SVIL: variants seen among roughly 807,000 people sequenced by gnomAD.
The protein encoded by SVIL is supervillin, also known as archvillin.
In SVIL, 101 loss-of-function variants were observed where a neutral mutation model predicts 240.4. That is an observed-to-expected ratio of 0.42 (90% CI 0.36 to 0.50). The LOEUF (loss-of-function observed/expected upper bound fraction) is 0.50. SVIL is among the 20% of genes least tolerant of loss of function. The pLI, the probability that SVIL is intolerant of heterozygous loss-of-function variation, is 0.01. For missense variants in SVIL, 2,512 were observed against 2,818.7 expected, an observed-to-expected ratio of 0.89 and a Z score of 2.46; for synonymous variants, 999 against 1,100.0, an observed-to-expected ratio of 0.91 and a Z score of 1.82.
At chr10:29,609,826 C>A (rs567515249) in intron 1 of SVIL, among the ~76,000 whole-genome samples, 1 of 152,242 alleles carries the variant, frequency 6.6e-6, no homozygotes, top group African/African-American at 2.4e-5. Context: ...CCACTTGCTG[C>A]TCCATGCCTG....
intron 2 of SVIL, among the ~76,000 whole-genome samples, chr10:29,661,744 C>T (rs1959166288): frequency 6.6e-6 from 1 of 152,178 alleles, no homozygotes; most frequent in Non-Finnish European, 1.5e-5. Flanking sequence ...ACAGATGGTG[C>T]CCATGGAGGT....
chr10:29,516,733 G>A (rs1412781889), intron 16 of SVIL, among the ~76,000 whole-genome samples: 4 of 152,326 alleles, frequency 2.6e-5, no homozygotes, highest in African/African-American at 7.2e-5. Flanking sequence ...CTCACCCAAC[G>A]CCTGGCCCAG....
intron 21 of SVIL, among the ~76,000 whole-genome samples, chr10:29,491,637 T>C (rs1289001673): frequency 1.3e-5 from 2 of 152,086 alleles, no homozygotes; most frequent in Non-Finnish European, 2.9e-5. Context: ...CACAATTCTT[T>C]GGGGTGGAAA....
intron 1 of SVIL, among the ~76,000 whole-genome samples, chr10:29,574,249 C>A (rs1831157): frequency 6.6e-6 from 1 of 151,916 alleles, no homozygotes; most frequent in East Asian, 1.9e-4. Flanking sequence ...TTTAGATGGG[C>A]GTGCGAACCT....
At chr10:29,525,677 G>C (rs943197567) in intron 13 of SVIL, among the ~76,000 whole-genome samples, 1 of 152,194 alleles carries the variant, frequency 6.6e-6, no homozygotes, top group African/African-American at 2.4e-5. Flanking sequence ...GAGAAGGAAA[G>C]CCTGAAGTCT....
intron 28 of SVIL, 93 bp from the exon 29 acceptor site, chr10:29,480,906 C>T: frequency 7.2e-7 from 1 of 1,384,304 alleles, no homozygotes; most frequent in East Asian, 2.3e-5. Flanking sequence ...CATGGGACAG[C>T]ATAAAAATAC....
intron 35 of SVIL, 53 bp downstream of exon 35, chr10:29,463,439 T>G: frequency 6.3e-7 from 1 of 1,582,408 alleles, no homozygotes; most frequent in Middle Eastern, 1.7e-4. Context: ...TGCGCATGCC[T>G]GAGGGGCTTC....
intron 2 of SVIL, among the ~76,000 whole-genome samples, chr10:29,676,860 G>A (rs1175951029): frequency 6.6e-6 from 1 of 152,142 alleles, no homozygotes; most frequent in Admixed American, 6.5e-5. Flanking sequence ...GCACACAGCT[G>A]TGACCCTTGG....
At chr10:29,622,060 C>T (rs1253359548) in intron 1 of SVIL, among the ~76,000 whole-genome samples, 3 of 151,306 alleles carry the variant, frequency 2.0e-5, no homozygotes, top group Non-Finnish European at 4.4e-5. Flanking sequence ...ACCATCCTGG[C>T]TAACACGGTG....
chr10:29,665,534 G>A (rs558083912), intron 2 of SVIL, among the ~76,000 whole-genome samples: 13 of 152,232 alleles, frequency 8.5e-5, no homozygotes, highest in South Asian at 2.1e-4. Context: ...AGTGGCTCAC[G>A]TCTGTAATCC....
rs139597633 is a variant in SVIL, at chr10:29,473,877, C to T, written c.5490G>A (p.Ala1830=). The T allele has an allele frequency of 4.2e-5, 68 of 1,614,008 alleles. No homozygotes were observed. The Middle Eastern group carries it at 9.9e-4, about 24-fold the overall frequency. The change falls in exon 30 of 38, where the codon GCG becomes GCA. Residue 1830 remains alanine, a synonymous_variant. Coordinates refer to ENST00000355867, the MANE Select transcript of SVIL (RefSeq NM_021738.3). ...HSTVSEKGTS[A]LMTVELDEER... ...CCTCGTCCAGCTCCACCGTCATCAG[C>T]GCCGACGTGCCCTTCTCACTCACGG... is the stretch of plus-strand genomic sequence containing the variant.
intron 1 of SVIL, among the ~76,000 whole-genome samples, chr10:29,595,657 A>G (rs1198575732): frequency 1.3e-5 from 2 of 152,168 alleles, no homozygotes; most frequent in Non-Finnish European, 2.9e-5. Flanking sequence ...ACAAAAATAC[A>G]TATGGCCCAG....
At chr10:29,724,181 CT>C (rs386371080) in intron 1 of SVIL, among the ~76,000 whole-genome samples, 71 of 144,484 alleles carry the variant, frequency 4.9e-4, no homozygotes, top group Middle Eastern at 3.6e-3. Context: ...TGTTTTCTCT[CT>C]TTTTTTTTTT....
chr10:29,566,036 G>T (rs1477541664), intron 2 of SVIL, among the ~76,000 whole-genome samples: 1 of 152,136 alleles, frequency 6.6e-6, no homozygotes, highest in Non-Finnish European at 1.5e-5. Context: ...CAAAGTTGAT[G>T]TGATGGCCAG....
chr10:29,492,665 A>G (rs545341773), intron 21 of SVIL, among the ~76,000 whole-genome samples: 6 of 152,198 alleles, frequency 3.9e-5, no homozygotes, highest in Admixed American at 3.3e-4. Context: ...CACTTTTCCT[A>G]GTTGGTTTAG....
chr10:29,709,063 AACATTTG>A (rs1963104119), intron 1 of SVIL, among the ~76,000 whole-genome samples: 1 of 152,356 alleles, frequency 6.6e-6, no homozygotes, highest in South Asian at 2.1e-4. Flanking sequence ...GAAGAAGCCT[AACATTTG>A]ACCAATCAGA....
intron 1 of SVIL, among the ~76,000 whole-genome samples, chr10:29,580,435 A>G (rs1221483902): frequency 2.0e-5 from 3 of 152,316 alleles, no homozygotes; most frequent in Non-Finnish European, 2.9e-5. Context: ...TGGTGAGGTC[A>G]GGATAAAATG....
At chr10:29,561,802 A>T (rs1200530413) in intron 3 of SVIL, among the ~76,000 whole-genome samples, 1 of 152,158 alleles carries the variant, frequency 6.6e-6, no homozygotes, top group Non-Finnish European at 1.5e-5. Context: ...ATGAAATCTC[A>T]TCTGCCTCCT....
chr10:29,548,925 T>C (rs1224435327), intron 6 of SVIL, among the ~76,000 whole-genome samples: 13 of 152,190 alleles, frequency 8.5e-5, no homozygotes, highest in Non-Finnish European at 1.9e-4. Context: ...GTTCAGTTTG[T>C]TTTTAAAACG....
Sources: allele counts gnomAD v4.1 joint callset (sites outside exome capture counted in the v4.1 genomes callset), GRCh38; gene constraint gnomAD v4.1.1; transcripts MANE v1.5; gene names NCBI Gene and HGNC (gene_info 2026-07-23, HGNC 2026-07-21).